Variants in GNAL observed in about 807,000 individuals in gnomAD.
GNAL encodes G protein subunit alpha L, also known as guanine nucleotide-binding protein G(olf) subunit alpha.
GNAL carries 18 observed loss-of-function variants against 55.1 expected under a neutral mutation model. The observed-to-expected ratio is 0.33, with a 90% confidence interval of 0.23 to 0.48. The LOEUF is 0.48. Among genes scored for constraint, GNAL ranks in the 20% least tolerant of loss-of-function variants. GNAL has a pLI of 0.99. For missense variants in GNAL, 412 were observed against 614.1 expected (o/e 0.67, Z 3.48); for synonymous variants, 253 against 237.0 (o/e 1.07, Z -0.62).
intron 4 of GNAL, among the ~76,000 whole-genome samples, chr18:11,758,908 C>G (rs2033149931): frequency 6.6e-6 from 1 of 151,906 alleles, no homozygotes; most frequent in Non-Finnish European, 1.5e-5. Flanking sequence ...CATGGTGGCT[C>G]ACACCTGTAA....
At chr18:11,864,835 T>C (rs2036224563) in intron 7 of GNAL, among the ~76,000 whole-genome samples, 1 of 152,170 alleles carries the variant, frequency 6.6e-6, no homozygotes, top group African/African-American at 2.4e-5. Flanking sequence ...GCATCTGAGT[T>C]GTTGATTTGA....
chr18:11,708,887 G>A (rs1353441125), intron 1 of GNAL, among the ~76,000 whole-genome samples: 6 of 152,162 alleles, frequency 3.9e-5, no homozygotes, highest in Non-Finnish European at 7.4e-5. Context: ...ACCAATTAAT[G>A]TCAGGAAACT....
Position 11,749,778 on chromosome 18 carries a change from AGGG to A in GNAL, c.377-3071_377-3069del, listed in dbSNP as rs999649596. Reference sequence around the variant, plus strand: ...CCAGCTTGAGGCTGGAAGGATAACTAGGGGGGTTGACCCAGAAAAGAGAGTCCC... The same window carrying A: ...CCAGCTTGAGGCTGGAAGGATAACTAGGGTTGACCCAGAAAAGAGAGTCCC... On this transcript the variant is annotated intron_variant, in intron 1 of 11. Transcript: ENST00000334049. Among the ~76,000 whole-genome samples, 3 of 152,176 alleles carry A rather than the reference AGGG, an allele frequency of 2.0e-5. No individual in the cohort carries two copies. In the East Asian group the frequency reaches 5.8e-4, roughly 29 times the overall value.
At chr18:11,762,331 G>A (rs760158103) in intron 4 of GNAL, among the ~76,000 whole-genome samples, 10 of 152,172 alleles carry the variant, frequency 6.6e-5, no homozygotes, top group Non-Finnish European at 1.3e-4. Flanking sequence ...GGAAGCGGGT[G>A]ACATGGAAGA....
intron 5 of GNAL, among the ~76,000 whole-genome samples, chr18:11,840,764 G>T (rs2035595926): frequency 6.6e-6 from 1 of 152,190 alleles, no homozygotes; most frequent in Non-Finnish European, 1.5e-5. Context: ...CTGCAGAGAA[G>T]AGGAAGCACC....
chr18:11,737,428 A>G (rs1568004094), intron 1 of GNAL, among the ~76,000 whole-genome samples: 1 of 152,004 alleles, frequency 6.6e-6, no homozygotes, highest in Non-Finnish European at 1.5e-5. Flanking sequence ...ATCAGCCCCC[A>G]AGGTCTTCCA....
chr18:11,867,076 G>A (rs961306615), intron 7 of GNAL, 92 bp from the exon 8 acceptor site: 1 of 973,128 alleles, frequency 1.0e-6, no homozygotes, highest in Non-Finnish European at 1.7e-6. Context: ...TGTGAACGCT[G>A]GAACCTGCTG....
chr18:11,759,240 T>C (rs2033160239), intron 4 of GNAL, among the ~76,000 whole-genome samples: 1 of 152,178 alleles, frequency 6.6e-6, no homozygotes. Flanking sequence ...CCAAAAATCC[T>C]TTAGCACTAT....
At chr18:11,747,318 G>A (rs372359400) in intron 1 of GNAL, 1 of 193,522 alleles carries the variant, frequency 5.2e-6, no homozygotes, top group Non-Finnish European at 1.1e-5. Flanking sequence ...CTTCAGGGAT[G>A]GAATAAGAAT....
intron 4 of GNAL, among the ~76,000 whole-genome samples, chr18:11,782,780 C>A (rs572663196): frequency 6.6e-6 from 1 of 152,116 alleles, no homozygotes; most frequent in Non-Finnish European, 1.5e-5. Flanking sequence ...AAAGAAAATT[C>A]GTTTTCTAGT....
intron 4 of GNAL, among the ~76,000 whole-genome samples, chr18:11,786,211 T>C (rs2034051615): frequency 6.6e-6 from 1 of 152,154 alleles, no homozygotes; most frequent in Non-Finnish European, 1.5e-5. Context: ...AATAGGGTTA[T>C]ATCCTCACAG....
chr18:11,738,189 C>T (rs1357749678), intron 1 of GNAL, among the ~76,000 whole-genome samples: 1 of 152,178 alleles, frequency 6.6e-6, no homozygotes, highest in African/African-American at 2.4e-5. Flanking sequence ...TGCCGGGCTC[C>T]CAACATGAGC....
intron 1 of GNAL, among the ~76,000 whole-genome samples, chr18:11,706,884 A>C (rs1310530619): frequency 2.6e-5 from 4 of 152,232 alleles, no homozygotes; most frequent in Non-Finnish European, 5.9e-5. Context: ...TGAATCCCTC[A>C]AAGCAATCCA....
At chr18:11,756,886 A>C in intron 4 of GNAL, among the ~76,000 whole-genome samples, 1 of 152,226 alleles carries the variant, frequency 6.6e-6, no homozygotes, top group East Asian at 1.9e-4. Context: ...TACTCAGTCC[A>C]GTACTTTTTT....
At chr18:11,782,111 G>A (rs1394830618) in intron 4 of GNAL, among the ~76,000 whole-genome samples, 3 of 152,194 alleles carry the variant, frequency 2.0e-5, no homozygotes, top group African/African-American at 7.2e-5. Context: ...GAGGCCAGGA[G>A]TTCAAGACCA....
chr18:11,869,782 G>A (rs530112301), intron 9 of GNAL, among the ~76,000 whole-genome samples: 3 of 152,128 alleles, frequency 2.0e-5, no homozygotes, highest in African/African-American at 4.8e-5. Flanking sequence ...GGTGGGGCGC[G>A]CTTGTAGTCC....
intron 1 of GNAL, among the ~76,000 whole-genome samples, chr18:11,694,940 C>T (rs193127186): frequency 3.3e-5 from 5 of 152,224 alleles, no homozygotes; most frequent in Admixed American, 1.3e-4. Flanking sequence ...GAGAGATCTC[C>T]GGTGTCTCTT....
In GNAL at chr18:11,880,062, G is replaced by T. The variant is rs926430289; in HGVS notation, c.1231-927G>T. On this transcript the variant is annotated intron_variant, in intron 11 of 11. Transcript: ENST00000334049. ...TCATGAGGTCAGGAGTTCAAGACCA[G>T]CCTGACCAACATGGTGAAACCCCGT... 4.2e-4 allele frequency among the ~76,000 whole-genome samples: 63 copies of T among 151,400 alleles called. 2 individuals carry two copies. Among genetic ancestry groups the T allele is most frequent in the Non-Finnish European group, 1.2e-4 (8 of 67,728 alleles).
intron 1 of GNAL, chr18:11,745,940 G>C (rs1007065739): frequency 4.1e-6 from 1 of 242,352 alleles, no homozygotes; most frequent in Non-Finnish European, 8.4e-6. Flanking sequence ...TTGTATGTTG[G>C]ATGATGTATT....
Sources: gnomAD v4.1 joint callset for allele counts (sites outside exome capture counted in the v4.1 genomes callset) on GRCh38, gnomAD v4.1.1 for gene constraint, MANE v1.5 for transcripts, NCBI Gene and HGNC (gene_info 2026-07-23, HGNC 2026-07-21) for gene names.